REEP1: variants seen among roughly 807,000 people sequenced by gnomAD.
REEP1 encodes the protein receptor expression-enhancing protein 1.
In REEP1, 22 loss-of-function variants were observed where a neutral mutation model predicts 40.3. The ratio of observed to expected loss-of-function variants is 0.55; its 90% CI spans 0.39 to 0.78. The LOEUF is 0.78. Among genes scored for constraint, REEP1 ranks in the 30% least tolerant of loss-of-function variants. The pLI is 0.00. For synonymous variants in REEP1, 116 were observed against 139.2 expected, an observed-to-expected ratio of 0.83 and a Z score of 1.17; for missense variants, 280 against 361.1, an observed-to-expected ratio of 0.78 and a Z score of 1.82.
chr2:86,232,894 G>A (rs2104055890), intron 5 of REEP1, 92 bp from the exon 6 acceptor site: 3 of 1,301,012 alleles, frequency 2.3e-6, no homozygotes, highest in Admixed American at 1.9e-5. Flanking sequence ...TGGTCAGCCA[G>A]GTGGAAATCA....
chr2:86,327,276 T>C (rs1280881030), intron 1 of REEP1, among the ~76,000 whole-genome samples: 6 of 152,140 alleles, frequency 3.9e-5, no homozygotes, highest in Non-Finnish European at 8.8e-5. Flanking sequence ...GTTTTTTCAT[T>C]TTAAAAAAGA....
At chr2:86,242,116 C>A (rs998517243) in intron 5 of REEP1, among the ~76,000 whole-genome samples, 2 of 152,062 alleles carry the variant, frequency 1.3e-5, no homozygotes, top group African/African-American at 2.4e-5. Flanking sequence ...TAACAGGCAA[C>A]CTTTATTAAA....
chr2:86,294,308 C>A (rs1678870964), intron 1 of REEP1, among the ~76,000 whole-genome samples: 1 of 151,952 alleles, frequency 6.6e-6, no homozygotes, highest in Non-Finnish European at 1.5e-5. Context: ...GCTTTTATCA[C>A]AATTAAAATA....
In REEP1 at chr2:86,259,263, T is replaced by TA. The variant is rs56151955; in HGVS notation, c.183-4450dup. ...CAAGATCGCACCACTGCACTCTGTC[T>TA]AAAAAAAAAAACAGTGGTACTTCTA... On this transcript the variant is annotated intron_variant, in intron 3 of 8. Coordinates refer to ENST00000538924, the MANE Select transcript of REEP1 (RefSeq NM_001371279.1). Among the ~76,000 whole-genome samples the TA allele has an allele frequency of 1.9e-3, 282 of 147,594 alleles. 2 individuals carry two copies. Among genetic ancestry groups the TA allele is most frequent in the Middle Eastern group, 3.5e-3 (1 of 284 alleles).
chr2:86,232,945 C>T, intron 5 of REEP1, 143 bp from the exon 6 acceptor site: 1 of 813,132 alleles, frequency 1.2e-6, no homozygotes, highest in African/African-American at 1.7e-5. Context: ...CCAGACATAG[C>T]TGCTGGAAAC....
At chr2:86,219,075 C>T (rs1349037346) in intron 8 of REEP1, among the ~76,000 whole-genome samples, 3 of 152,154 alleles carry the variant, frequency 2.0e-5, no homozygotes, top group Non-Finnish European at 2.9e-5. Flanking sequence ...AGAGCAAGGC[C>T]CAGGAGGCTC....
chr2:86,253,649 G>C (rs906549505), intron 4 of REEP1, among the ~76,000 whole-genome samples: 1 of 152,210 alleles, frequency 6.6e-6, no homozygotes, highest in African/African-American at 2.4e-5. Context: ...GGTCAAGACA[G>C]GGATCCGTTC....
At chr2:86,239,654 C>T (rs1675567016) in intron 5 of REEP1, among the ~76,000 whole-genome samples, 1 of 152,156 alleles carries the variant, frequency 6.6e-6, no homozygotes, top group African/African-American at 2.4e-5. Context: ...GAGGACCAGG[C>T]CCTTGTCTGT....
At chr2:86,318,400 C>CTTT (rs775382572) in intron 1 of REEP1, among the ~76,000 whole-genome samples, 2 of 52,906 alleles carry the variant, frequency 3.8e-5, no homozygotes, top group Non-Finnish European at 9.3e-5. Flanking sequence ...CTTTTCTTTT[C>CTTT]TTTTTTTTTT....
At chr2:86,290,981 A>G (rs1678665325) in intron 1 of REEP1, among the ~76,000 whole-genome samples, 1 of 152,202 alleles carries the variant, frequency 6.6e-6, no homozygotes, top group Admixed American at 6.5e-5. Context: ...TATTATTGTG[A>G]CTTATAAGCC....
intron 2 of REEP1, among the ~76,000 whole-genome samples, chr2:86,278,151 TTTTTC>T (rs1677867797): frequency 6.6e-6 from 1 of 152,178 alleles, no homozygotes; most frequent in Non-Finnish European, 1.5e-5. Context: ...TCTAAAAACT[TTTTTC>T]TTTTAACAAA....
intron 5 of REEP1, among the ~76,000 whole-genome samples, chr2:86,234,853 T>C (rs1393565587): frequency 6.6e-6 from 1 of 152,216 alleles, no homozygotes; most frequent in Non-Finnish European, 1.5e-5. Context: ...ACACCCATTA[T>C]ATAACCCCTT....
intron 2 of REEP1, among the ~76,000 whole-genome samples, chr2:86,278,589 C>T (rs12623761): frequency 0.032 from 4,845 of 152,178 alleles, 198 homozygotes; most frequent in East Asian, 0.22. Context: ...ATTTTTTTTC[C>T]ATGACTACTC....
At chr2:86,319,520 C>A (rs1040651204) in intron 1 of REEP1, among the ~76,000 whole-genome samples, 1 of 152,128 alleles carries the variant, frequency 6.6e-6, no homozygotes, top group Non-Finnish European at 1.5e-5. Context: ...CATGGCAAAA[C>A]CCCGTCTCTA....
At chr2:86,300,573 G>A (rs1391088095) in intron 1 of REEP1, among the ~76,000 whole-genome samples, 1 of 152,146 alleles carries the variant, frequency 6.6e-6, no homozygotes, top group African/African-American at 2.4e-5. Context: ...GACACACAGA[G>A]AGAGTCGAGC....
intron 1 of REEP1, among the ~76,000 whole-genome samples, chr2:86,305,048 C>G (rs1679420859): frequency 6.6e-6 from 1 of 151,720 alleles, no homozygotes; most frequent in African/African-American, 2.4e-5. Flanking sequence ...TTTAAGCTTA[C>G]CATTGGTACC....
In REEP1 at chr2:86,220,101, C is replaced by T. The variant is rs776615551; in HGVS notation, c.652G>A (p.Glu218Lys). The T allele has an allele frequency of 6.5e-6, 8 of 1,232,078 alleles. No homozygotes were observed. Among genetic ancestry groups the T allele is most frequent in the East Asian group, 3.2e-5 (1 of 31,716 alleles). 76.3% of individuals were successfully genotyped at this position (1,232,078 alleles called of 1,614,324 possible). A position where few individuals can be genotyped will look rare whatever the true frequency, so the allele number is the denominator to read the frequency against. ...GGCTCCCATGCCTTCATACCACCCT[C>T]ATTCACATCTCCCTCAACCACTTAA... ...TWKVVEGDVNEGGMKAWEPHQ... is the reference protein window; with the variant it reads ...TWKVVEGDVNKGGMKAWEPHQ... The change falls in exon 8 of 9, where the codon GAG becomes AAG. Residue 218 changes from glutamate (E) to lysine (K), a missense_variant. Physicochemically the swap from Glu to Lys is moderately conservative, Grantham distance 56. Coordinates refer to ENST00000538924, the MANE Select transcript of REEP1 (RefSeq NM_001371279.1).
chr2:86,227,545 C>T, intron 6 of REEP1, 147 bp from the exon 7 acceptor site: 1 of 555,868 alleles, frequency 1.8e-6, no homozygotes, highest in Non-Finnish European at 2.7e-6. Context: ...TGTAGAGACA[C>T]CAAAGTGGGG....
At chr2:86,226,974 A>G (rs1471670111) in intron 7 of REEP1, among the ~76,000 whole-genome samples, 2 of 152,114 alleles carry the variant, frequency 1.3e-5, no homozygotes, top group Non-Finnish European at 2.9e-5. Flanking sequence ...CTATCTCTTG[A>G]ATGGCTCACT....
Sources: allele counts gnomAD v4.1 joint callset (sites outside exome capture counted in the v4.1 genomes callset), GRCh38; gene constraint gnomAD v4.1.1; transcripts MANE v1.5; gene names NCBI Gene and HGNC (gene_info 2026-07-23, HGNC 2026-07-21).